Variants in ANKRD27 observed in about 807,000 individuals in gnomAD.
The protein encoded by ANKRD27 is ankyrin repeat domain 27.
Under a neutral mutation model 129.7 loss-of-function variants are expected in ANKRD27, and 112 were observed. The observed-to-expected ratio is 0.86, with a 90% CI of 0.74 to 1.01. The LOEUF (loss-of-function observed/expected upper bound fraction) is 1.01, where lower values mean the gene tolerates loss of function less well. Among genes scored for constraint, ANKRD27 ranks in the 50% least tolerant of loss-of-function variants. The pLI, the probability that ANKRD27 is intolerant of heterozygous loss-of-function variation, is 0.00. For synonymous variants in ANKRD27, 516 were observed against 511.2 expected (o/e 1.01, Z -0.13); for missense variants, 1,258 against 1,300.5 (o/e 0.97, Z 0.50).
chr19:32,626,912 C>T (rs1444712771), intron 15 of ANKRD27, 85 bp from the exon 16 acceptor site: 1 of 832,560 alleles, frequency 1.2e-6, no homozygotes, highest in Non-Finnish European at 1.9e-6. Flanking sequence ...CACTATTGCA[C>T]CCTCCTAGTC....
chr19:32,629,402 TA>T (rs1219266176), intron 13 of ANKRD27, among the ~76,000 whole-genome samples: 4 of 151,312 alleles, frequency 2.6e-5, no homozygotes, highest in African/African-American at 9.7e-5. Context: ...TTCCCATAAT[TA>T]AAAAAACAAT....
At position 32,643,458 on chromosome 19, in the gene ANKRD27, C is replaced by T; in HGVS notation, c.612G>A (p.Gln204=). The change falls in exon 7 of 29, where the codon CAG becomes CAA. Residue 204 remains glutamine, a synonymous_variant. Transcript: ENST00000306065. ...HLKMLAKQEA[Q]MNLMKQAVEI... is the part of the protein sequence containing the mutation. ...CCACTGCCTGCTTCATCAGGTTCAT[C>T]TGGGCCTCCTGCTTGGCGAGCATTT... The T allele has an allele frequency of 6.2e-7, 1 of 1,613,878 alleles. No individual in the cohort carries two copies. Among genetic ancestry groups the T allele is most frequent in the Non-Finnish European group, 8.5e-7 (1 of 1,180,018 alleles).
intron 1 of ANKRD27, among the ~76,000 whole-genome samples, chr19:32,671,619 T>C (rs1967871977): frequency 6.6e-6 from 1 of 152,078 alleles, no homozygotes. Flanking sequence ...CTCTTGAACC[T>C]GGGAGGTGGA....
At chr19:32,643,763 C>T (rs1432253633) in intron 5 of ANKRD27, 132 bp from the exon 6 acceptor site, 1 of 941,372 alleles carries the variant, frequency 1.1e-6, no homozygotes, top group Non-Finnish European at 1.7e-6. Flanking sequence ...TGATTTTTCT[C>T]AACTTTTTTT....
chr19:32,606,939 C>CAAAAAAAAAAAAA (rs532062312), intron 23 of ANKRD27, among the ~76,000 whole-genome samples: 29 of 65,646 alleles, frequency 4.4e-4, no homozygotes, highest in East Asian at 2.3e-3. Flanking sequence ...CCCATCTCCA[C>CAAAAAAAAAAAAA]AAAAAAAAAA....
At chr19:32,634,772 G>A (rs10417459) in intron 12 of ANKRD27, among the ~76,000 whole-genome samples, 480 of 152,222 alleles carry the variant, frequency 3.2e-3, no homozygotes, top group African/African-American at 0.011. Flanking sequence ...AAAATTAGCC[G>A]TGCGTAGTGG....
rs199917693 is a variant in ANKRD27, at chr19:32,607,747, T to C, written c.2261A>G (p.His754Arg). 7.0e-5 allele frequency: 113 copies of C among 1,612,914 alleles called. No homozygotes were observed. In the African/African-American group the frequency reaches 1.3e-3, roughly 19 times the overall value. ...GSSPLHVAALHGRADLIPLLL... is the reference protein window; with the variant it reads ...GSSPLHVAALRGRADLIPLLL... Reference sequence around the variant, plus strand: ...GAGGGGGATGAGGTCCGCCCGGCCGTGCAGGGCGGCGACATGCAGCGGGGA... The same window carrying C: ...GAGGGGGATGAGGTCCGCCCGGCCGCGCAGGGCGGCGACATGCAGCGGGGA... The change falls in exon 23 of 29, where the codon CAC becomes CGC. Residue 754 changes from histidine (H) to arginine (R), a missense_variant. Physicochemically the swap from His to Arg is conservative, Grantham distance 29. Transcript: ENST00000306065.
chr19:32,628,506 T>C (rs1358046196), intron 14 of ANKRD27, among the ~76,000 whole-genome samples: 1 of 152,230 alleles, frequency 6.6e-6, no homozygotes, highest in Non-Finnish European at 1.5e-5. Flanking sequence ...CAGCCTACCC[T>C]GGCAGCCAGC....
At chr19:32,627,534 G>A (rs937206941) in intron 15 of ANKRD27, among the ~76,000 whole-genome samples, 2 of 151,882 alleles carry the variant, frequency 1.3e-5, no homozygotes, top group Non-Finnish European at 2.9e-5. Flanking sequence ...AAGAAGCTGG[G>A]ATTATAGGCG....
chr19:32,645,755 C>A (rs1967290809), intron 4 of ANKRD27, among the ~76,000 whole-genome samples: 1 of 152,108 alleles, frequency 6.6e-6, no homozygotes, highest in Admixed American at 6.5e-5. Flanking sequence ...GCCTCAGCCT[C>A]CTGAGTAGCT....
At chr19:32,617,490 T>A in intron 21 of ANKRD27, 99 bp downstream of exon 21, 1 of 588,886 alleles carries the variant, frequency 1.7e-6, no homozygotes, top group Non-Finnish European at 3.1e-6. Flanking sequence ...AAGGCTGCAG[T>A]GAGCCATGAT....
chr19:32,626,925 G>C, intron 15 of ANKRD27, 98 bp from the exon 16 acceptor site: 1 of 770,406 alleles, frequency 1.3e-6, no homozygotes, highest in Non-Finnish European at 2.1e-6. Flanking sequence ...TCCTAGTCCT[G>C]GGCATGAAAC....
chr19:32,628,112 T>C lies in ANKRD27; in HGVS notation c.1391A>G (p.His464Arg), dbSNP rs1043726466. ...VTPFSRDDRGHTPLHVAAVCG... is the reference protein window; with the variant it reads ...VTPFSRDDRGRTPLHVAAVCG... ...GACAGCAGCCACATGGAGAGGGGTG[T>C]GCCCCCTGTCGTCTCTGGAGAATGG... The change falls in exon 15 of 29, where the codon CAC becomes CGC. Residue 464 changes from histidine to arginine, a missense_variant. By Grantham distance (29) the His-to-Arg change is conservative. Transcript: ENST00000306065. The C allele has an allele frequency of 1.2e-5, 20 of 1,614,074 alleles. No individual in the cohort carries two copies. Among genetic ancestry groups the C allele is most frequent in the Non-Finnish European group, 1.6e-5 (19 of 1,180,024 alleles).
At chr19:32,607,498 G>T in intron 23 of ANKRD27, 137 bp downstream of exon 23, 1 of 1,063,580 alleles carries the variant, frequency 9.4e-7, no homozygotes. Context: ...CCTACCGTGT[G>T]CACCTCAGAA....
chr19:32,667,681 A>T (rs1324835451), intron 1 of ANKRD27, among the ~76,000 whole-genome samples: 1 of 152,124 alleles, frequency 6.6e-6, no homozygotes, highest in East Asian at 1.9e-4. Context: ...AAAATACAAA[A>T]ATTAGCCGGG....
At chr19:32,654,090 T>C (rs1046146827) in intron 2 of ANKRD27, among the ~76,000 whole-genome samples, 34 of 152,206 alleles carry the variant, frequency 2.2e-4, no homozygotes, top group African/African-American at 7.2e-4. Context: ...TTAGTAGAGA[T>C]AGGGTTTCAC....
intron 22 of ANKRD27, among the ~76,000 whole-genome samples, chr19:32,614,870 C>A (rs1200776413): frequency 6.6e-6 from 1 of 152,084 alleles, no homozygotes; most frequent in Non-Finnish European, 1.5e-5. Flanking sequence ...CGGATTGCAT[C>A]AATGTTGATA....
Position 32,639,455 on chromosome 19 carries a change from C to A in ANKRD27, c.1017G>T (p.Arg339Ser), listed in dbSNP as rs1245789872. ...GTTCATCCTTTGCCAAGCTGCTAAACCTGAAGTTTTTGATGTAACTCAAAT... is the reference window on the plus strand; with the variant it reads ...GTTCATCCTTTGCCAAGCTGCTAAAACTGAAGTTTTTGATGTAACTCAAAT... ...MANLSYIKNF[R>S]FSSLAKDELG... is the part of the protein sequence containing the mutation. The change falls in exon 12 of 29, where the codon AGG becomes AGT. Residue 339 changes from arginine (R) to serine (S), a missense_variant. Transcript: ENST00000306065. 3 of 1,613,668 alleles carry A rather than the reference C, an allele frequency of 1.9e-6. No homozygotes were observed. Among genetic ancestry groups the A allele is most frequent in the South Asian group, 2.2e-5 (2 of 90,952 alleles).
intron 1 of ANKRD27, among the ~76,000 whole-genome samples, chr19:32,662,171 G>T (rs533336628): frequency 6.6e-6 from 1 of 151,934 alleles, no homozygotes; most frequent in African/African-American, 2.4e-5. Context: ...AATTAGTGGG[G>T]TGTGGTGGCA....
Sources: allele counts gnomAD v4.1 joint callset (sites outside exome capture counted in the v4.1 genomes callset), GRCh38; gene constraint gnomAD v4.1.1; transcripts MANE v1.5; gene names NCBI Gene and HGNC (gene_info 2026-07-23, HGNC 2026-07-21).